Variants in CDIN1 observed in about 807,000 individuals in gnomAD.
The protein encoded by CDIN1 is CDAN1-interacting nuclease 1.
A neutral mutation model predicts 45.3 loss-of-function variants in CDIN1; 33 were observed. The ratio of observed to expected loss-of-function variants is 0.73; its 90% confidence interval spans 0.55 to 0.97. The LOEUF (loss-of-function observed/expected upper bound fraction) is 0.97, where lower values mean the gene tolerates loss of function less well. Ranked by LOEUF, CDIN1 falls within the 50% of genes least tolerant of loss-of-function variation. CDIN1 has a pLI of 0.00. For missense variants in CDIN1, 303 were observed against 339.4 expected (o/e 0.89, Z 0.84); for synonymous variants, 118 against 124.4 (o/e 0.95, Z 0.34).
At chr15:36,594,310 A>T (rs1007647931) in intron 1 of CDIN1, among the ~76,000 whole-genome samples, 1 of 152,230 alleles carries the variant, frequency 6.6e-6, no homozygotes, top group African/African-American at 2.4e-5. Context: ...CTTTGAAAAA[A>T]AGTTGCCTAT....
intron 5 of CDIN1, among the ~76,000 whole-genome samples, chr15:36,659,492 G>A (rs916179484): frequency 3.9e-5 from 6 of 152,188 alleles, no homozygotes; most frequent in East Asian, 3.9e-4. Flanking sequence ...GAAAGGAGGC[G>A]AATGTAAATA....
chr15:36,594,793 G>A, intron 1 of CDIN1: 1 of 566,250 alleles, frequency 1.8e-6, no homozygotes, highest in South Asian at 7.8e-5. Flanking sequence ...GTGGCTATTG[G>A]CTAAATGGGA....
chr15:36,663,848 A>G lies in CDIN1; in HGVS notation c.346+5943A>G, dbSNP rs143441083. Among the ~76,000 whole-genome samples, 90 of 152,310 alleles carry G rather than the reference A, an allele frequency of 5.9e-4. 1 individual carries two copies. The highest frequency in any genetic ancestry group is 1.9e-3 in the African/African-American group (81 of 41,566). On this transcript the variant is annotated intron_variant, in intron 5 of 10. Transcript: ENST00000566621. ...TAACTTGCAGCTCACTTTGTAATAG[A>G]TCATGACACAGAACTATGTGTTGTT... is the stretch of plus-strand genomic sequence containing the variant.
chr15:36,730,942 AC>A (rs1291231717), intron 10 of CDIN1, among the ~76,000 whole-genome samples: 7 of 152,104 alleles, frequency 4.6e-5, no homozygotes, highest in African/African-American at 1.7e-4. Flanking sequence ...CCAAAAGAAA[AC>A]AAACGCCTGG....
intron 1 of CDIN1, among the ~76,000 whole-genome samples, chr15:36,637,300 A>T (rs1162679790): frequency 6.6e-6 from 1 of 152,244 alleles, no homozygotes; most frequent in East Asian, 1.9e-4. Flanking sequence ...CTTCTAGAAA[A>T]ATATATGAAA....
At chr15:36,632,531 A>AGAT (rs2039721440) in intron 1 of CDIN1, among the ~76,000 whole-genome samples, 1 of 152,168 alleles carries the variant, frequency 6.6e-6, no homozygotes, top group South Asian at 2.1e-4. Flanking sequence ...CTGCATAATA[A>AGAT]GATGATCTTT....
chr15:36,806,518 C>T (rs960935830), intron 10 of CDIN1, among the ~76,000 whole-genome samples: 7 of 152,084 alleles, frequency 4.6e-5, no homozygotes, highest in Admixed American at 2.6e-4. Flanking sequence ...TTCTGAAGAA[C>T]ATCATGGTCT....
At chr15:36,721,671 T>C (rs1015506618) in intron 10 of CDIN1, among the ~76,000 whole-genome samples, 1 of 152,180 alleles carries the variant, frequency 6.6e-6, no homozygotes, top group African/African-American at 2.4e-5. Flanking sequence ...TAGGTCAAAC[T>C]GGTTGTTTGT....
At chr15:36,780,337 C>A (rs1184424332) in intron 10 of CDIN1, among the ~76,000 whole-genome samples, 1 of 152,134 alleles carries the variant, frequency 6.6e-6, no homozygotes, top group Non-Finnish European at 1.5e-5. Context: ...AGTCAGGAAA[C>A]CTACCTGTAA....
intron 8 of CDIN1, among the ~76,000 whole-genome samples, chr15:36,698,672 G>A (rs1450960739): frequency 6.6e-6 from 1 of 152,156 alleles, no homozygotes; most frequent in African/African-American, 2.4e-5. Flanking sequence ...AGGCCTATAT[G>A]TCATGGCCAA....
intron 5 of CDIN1, among the ~76,000 whole-genome samples, chr15:36,668,678 C>G (rs921272412): frequency 2.6e-5 from 4 of 152,068 alleles, no homozygotes; most frequent in African/African-American, 9.7e-5. Flanking sequence ...GCATCTCTTA[C>G]TGTCATAAAA....
At chr15:36,661,225 T>C (rs1184229334) in intron 5 of CDIN1, among the ~76,000 whole-genome samples, 2 of 152,214 alleles carry the variant, frequency 1.3e-5, no homozygotes, top group African/African-American at 2.4e-5. Flanking sequence ...GAAATGCTTT[T>C]AGACTAGCAT....
At position 36,645,113 on chromosome 15, in the gene CDIN1, G is replaced by A. The variant is rs555722318; in HGVS notation, c.148-110G>A. ...ACCACAATTCCCAAGCTGTTATTCA[G>A]TGTTCCCTATGTGCTAGTCACTGGG... On this transcript the variant is annotated intron_variant, in intron 2 of 10. Transcript: ENST00000566621. 751 of 797,556 alleles carry A rather than the reference G, an allele frequency of 9.4e-4. 13 individuals are homozygous for A. The South Asian group carries it at 0.012, about 13-fold the overall frequency. 49.4% of individuals were successfully genotyped at this position (797,556 alleles called of 1,614,324 possible). A position where few individuals can be genotyped will look rare whatever the true frequency, so the allele number is the denominator to read the frequency against.
chr15:36,781,913 C>T (rs1035702040), intron 10 of CDIN1, among the ~76,000 whole-genome samples: 1 of 152,204 alleles, frequency 6.6e-6, no homozygotes, highest in African/African-American at 2.4e-5. Context: ...TCACCAATCT[C>T]AGAAGCAGGA....
chr15:36,681,052 G>A (rs1421903261), intron 5 of CDIN1, among the ~76,000 whole-genome samples: 1 of 151,642 alleles, frequency 6.6e-6, no homozygotes, highest in Non-Finnish European at 1.5e-5. Flanking sequence ...GAGAAAGAAA[G>A]AAAAATAGAA....
chr15:36,776,105 G>T (rs900726953), intron 10 of CDIN1, among the ~76,000 whole-genome samples: 1 of 152,084 alleles, frequency 6.6e-6, no homozygotes, highest in East Asian at 1.9e-4. Flanking sequence ...AGGAAGTAAC[G>T]ACTAAACTTT....
At chr15:36,740,793 G>A (rs1293550390) in intron 10 of CDIN1, among the ~76,000 whole-genome samples, 1 of 151,810 alleles carries the variant, frequency 6.6e-6, no homozygotes, top group East Asian at 1.9e-4. Flanking sequence ...GGAGGCTGAG[G>A]CAGGAGAATC....
At chr15:36,704,089 G>A (rs2042776313) in intron 8 of CDIN1, among the ~76,000 whole-genome samples, 1 of 152,060 alleles carries the variant, frequency 6.6e-6, no homozygotes, top group Non-Finnish European at 1.5e-5. Context: ...TAAAATATAG[G>A]AGAATTTTAC....
intron 10 of CDIN1, among the ~76,000 whole-genome samples, chr15:36,793,200 C>A (rs892475560): frequency 1.3e-5 from 2 of 152,162 alleles, no homozygotes; most frequent in African/African-American, 4.8e-5. Flanking sequence ...TTCATACACT[C>A]ATCTTTTTAC....
Sources: allele counts gnomAD v4.1 joint callset (sites outside exome capture counted in the v4.1 genomes callset), GRCh38; gene constraint gnomAD v4.1.1; transcripts MANE v1.5; gene names NCBI Gene and HGNC (gene_info 2026-07-23, HGNC 2026-07-21).